Variants in CCDC150 observed in about 807,000 individuals in gnomAD.
The protein encoded by CCDC150 is coiled-coil domain-containing protein 150.
Under a neutral mutation model 156.5 loss-of-function variants are expected in CCDC150, and 151 were observed. The observed-to-expected ratio is 0.97, with a 90% confidence interval of 0.85 to 1.10. CCDC150 has a LOEUF of 1.10. Ranked by LOEUF, CCDC150 falls within the 50% of genes least tolerant of loss-of-function variation. CCDC150 has a pLI of 0.00. For missense variants in CCDC150, 1,312 were observed against 1,268.1 expected (o/e 1.03, Z -0.53); for synonymous variants, 452 against 429.4 (o/e 1.05, Z -0.65).
chr2:196,658,906 G>A (rs1446531953), intron 5 of CCDC150, 46 bp downstream of exon 5: 1 of 1,310,008 alleles, frequency 7.6e-7, no homozygotes, highest in African/African-American at 1.5e-5. Flanking sequence ...GAATTGCAGA[G>A]GGGAAATCAA....
chr2:196,718,069 A>G (rs966444878), intron 17 of CCDC150, among the ~76,000 whole-genome samples: 2 of 152,210 alleles, frequency 1.3e-5, no homozygotes, highest in Admixed American at 6.5e-5. Flanking sequence ...TTCTAATACT[A>G]TACTTCTAAT....
At position 196,729,873 on chromosome 2, in the gene CCDC150, C is replaced by A; in HGVS notation, c.2820+12C>A. The stretch of plus-strand genomic sequence containing the variant: ...AGAACTATGAACAGGTAGATGATTT[C>A]CATATACTCTGTGTTTACCTTTCAT... On this transcript the variant is annotated intron_variant, in intron 24 of 27. Coordinates refer to ENST00000389175, the MANE Select transcript of CCDC150 (RefSeq NM_001080539.2). The A allele has an allele frequency of 6.2e-7, 1 of 1,600,932 alleles. No individual in the cohort carries two copies. Among genetic ancestry groups the A allele is most frequent in the Non-Finnish European group, 8.5e-7 (1 of 1,171,566 alleles).
intron 13 of CCDC150, among the ~76,000 whole-genome samples, chr2:196,693,001 T>C (rs1179144338): frequency 1.3e-5 from 2 of 152,232 alleles, no homozygotes; most frequent in South Asian, 2.1e-4. Flanking sequence ...GGTGCTCCTG[T>C]GTTGGATGCA....
At chr2:196,645,935 G>A (rs371525568) in intron 1 of CCDC150, among the ~76,000 whole-genome samples, 1 of 152,188 alleles carries the variant, frequency 6.6e-6, no homozygotes, top group Non-Finnish European at 1.5e-5. Context: ...GTCCTTGTGT[G>A]TGACTAATAG....
intron 20 of CCDC150, 62 bp downstream of exon 20, chr2:196,720,730 GT>G: frequency 2.8e-6 from 4 of 1,413,922 alleles, no homozygotes; most frequent in Non-Finnish European, 3.9e-6. Context: ...GGATATTACT[GT>G]TTTTGGGAAA....
chr2:196,719,442 C>T, intron 18 of CCDC150, 55 bp from the exon 19 acceptor site: 1 of 1,446,596 alleles, frequency 6.9e-7, no homozygotes. Context: ...GATCCACAAG[C>T]AGAAGAGTAA....
At position 196,705,913 on chromosome 2, in the gene CCDC150, A is replaced by C. The variant is rs968093616; in HGVS notation, c.1695+4733A>C. On this transcript the variant is annotated intron_variant, in intron 15 of 27. Coordinates refer to ENST00000389175, the MANE Select transcript of CCDC150 (RefSeq NM_001080539.2). ...TCTGTTCTGTTCCATTGGTCTATATATCTGTTTTGGTGCCAGTACCATGCT... is the reference window on the plus strand; with the variant it reads ...TCTGTTCTGTTCCATTGGTCTATATCTCTGTTTTGGTGCCAGTACCATGCT... Among the ~76,000 whole-genome samples, 4 of 152,054 alleles carry C rather than the reference A, an allele frequency of 2.6e-5. No individual in the cohort carries two copies. The East Asian group carries it at 5.8e-4, about 22-fold the overall frequency.
At position 196,676,208 on chromosome 2, in the gene CCDC150, C is replaced by G; in HGVS notation, c.1203C>G (p.Ala401=). 1 of 1,613,516 alleles carries G rather than the reference C, an allele frequency of 6.2e-7. No homozygotes were observed. The highest frequency in any genetic ancestry group is 1.1e-5 in the South Asian group (1 of 91,054). ...EQNLLLDAAH[A]SITNELQTVQ... is the part of the protein sequence containing the mutation. Reference sequence around the variant, plus strand: ...ACTTATTGCTGGATGCAGCCCATGCCAGTATCACAAATGAACTACAGACTG... The same window carrying G: ...ACTTATTGCTGGATGCAGCCCATGCGAGTATCACAAATGAACTACAGACTG... Residue 401 remains alanine, a synonymous_variant, in exon 11 of 28, where the codon GCC becomes GCG. Coordinates refer to ENST00000389175, the MANE Select transcript of CCDC150 (RefSeq NM_001080539.2).
At chr2:196,723,948 T>A (rs578252523) in intron 21 of CCDC150, among the ~76,000 whole-genome samples, 41 of 152,286 alleles carry the variant, frequency 2.7e-4, no homozygotes, top group African/African-American at 9.9e-4. Context: ...GTTTTTAGAA[T>A]GGGAGGAACT....
chr2:196,679,025 T>C (rs879626313), intron 13 of CCDC150, among the ~76,000 whole-genome samples: 1 of 152,248 alleles, frequency 6.6e-6, no homozygotes, highest in Non-Finnish European at 1.5e-5. Flanking sequence ...TGTAAGTTCA[T>C]GGTGCTGAAA....
chr2:196,729,205 C>T lies in CCDC150; in HGVS notation c.2569C>T (p.Leu857Phe). 1 of 1,609,234 alleles carries T rather than the reference C, an allele frequency of 6.2e-7. No individual in the cohort carries two copies. The highest frequency in any genetic ancestry group is 1.7e-4 in the Middle Eastern group (1 of 6,034). ...CTTGTGTTTTAAGCTGAAGAAAGCC[C>T]TTGATGAAGCTAACTTCAGATCAGT... Reference protein sequence around the residue: ...QREVAELKKALDEANFRSVEV... With the variant: ...QREVAELKKAFDEANFRSVEV... The change falls in exon 23 of 28, where the codon CTT becomes TTT. Residue 857 changes from leucine (L) to phenylalanine (F), a missense_variant. By Grantham distance (22) the Leu-to-Phe change is conservative. Coordinates refer to ENST00000389175, the MANE Select transcript of CCDC150 (RefSeq NM_001080539.2).
intron 8 of CCDC150, among the ~76,000 whole-genome samples, chr2:196,671,055 C>T (rs897147088): frequency 1.3e-5 from 2 of 152,160 alleles, no homozygotes; most frequent in Non-Finnish European, 2.9e-5. Flanking sequence ...TATATTGACA[C>T]ATTATCACCC....
At chr2:196,650,600 G>A (rs1165423610) in intron 2 of CCDC150, among the ~76,000 whole-genome samples, 1 of 152,156 alleles carries the variant, frequency 6.6e-6, no homozygotes, top group Non-Finnish European at 1.5e-5. Context: ...CACCATGTTG[G>A]TCAGGCTGAT....
At chr2:196,713,134 A>T in intron 17 of CCDC150, 2 of 604,308 alleles carry the variant, frequency 3.3e-6, no homozygotes, top group Non-Finnish European at 5.2e-6. Context: ...AGGCCTCATT[A>T]GATGCGCTCT....
At chr2:196,643,718 CTATATT>C (rs920953102) in intron 1 of CCDC150, among the ~76,000 whole-genome samples, 9 of 152,266 alleles carry the variant, frequency 5.9e-5, no homozygotes, top group African/African-American at 2.2e-4. Context: ...AGACAAGACT[CTATATT>C]ATAACCAGCT....
chr2:196,712,719 G>T lies in CCDC150; in HGVS notation c.1846G>T (p.Ala616Ser), dbSNP rs1697216270. 6.2e-7 allele frequency: 1 copy of T among 1,610,836 alleles called. No homozygotes were observed. Among genetic ancestry groups the T allele is most frequent in the Non-Finnish European group, 8.5e-7 (1 of 1,178,374 alleles). The stretch of plus-strand genomic sequence containing the variant: ...TGCCAAGAGGGTACACCTGCAGCAG[G>T]CAGATGCTCACCTGAAAGAAGTATT... ...LSAKRVHLQQ[A>S]DAHLKEVKSI... Residue 616 changes from alanine to serine, a missense_variant, in exon 17 of 28, where the codon GCA (alanine) becomes TCA (serine). Transcript: ENST00000389175.
At position 196,730,888 on chromosome 2, in the gene CCDC150, G is replaced by A; in HGVS notation, c.3012G>A (p.Lys1004=). The stretch of plus-strand genomic sequence containing the variant: ...TGGAAGAAACTGTCAGACACCTGAA[G>A]AAATGTAAAGAGGCAACAGAGAATA... ...QELEETVRHL[K]KCKEATENTL... The change falls in exon 26 of 28, where the codon AAG becomes AAA. Residue 1004 remains lysine (K), a synonymous_variant. Coordinates refer to ENST00000389175, the MANE Select transcript of CCDC150 (RefSeq NM_001080539.2). The A allele has an allele frequency of 1.2e-6, 2 of 1,600,538 alleles. No homozygotes were observed. Among genetic ancestry groups the A allele is most frequent in the Non-Finnish European group, 1.7e-6 (2 of 1,173,480 alleles).
intron 13 of CCDC150, among the ~76,000 whole-genome samples, chr2:196,689,370 C>T (rs1695304624): frequency 6.6e-6 from 1 of 151,862 alleles, no homozygotes; most frequent in African/African-American, 2.4e-5. Flanking sequence ...ATTCTTCCTA[C>T]CCATGAGCAT....
chr2:196,679,778 G>C (rs560867725), intron 13 of CCDC150, among the ~76,000 whole-genome samples: 68 of 152,222 alleles, frequency 4.5e-4, no homozygotes, highest in African/African-American at 1.3e-3. Context: ...CTAGCACTTG[G>C]TTGTCAGTTT....
Sources: gnomAD v4.1 joint callset for allele counts (sites outside exome capture counted in the v4.1 genomes callset) on GRCh38, gnomAD v4.1.1 for gene constraint, MANE v1.5 for transcripts, NCBI Gene and HGNC (gene_info 2026-07-23, HGNC 2026-07-21) for gene names.